Variants in ARFGEF2 observed in about 807,000 individuals in gnomAD.
ARFGEF2 encodes the protein brefeldin A-inhibited guanine nucleotide-exchange protein 2.
A neutral mutation model predicts 219.9 loss-of-function variants in ARFGEF2; 74 were observed. That is an observed-to-expected ratio of 0.34 (90% CI 0.28 to 0.41). The LOEUF is 0.41. Ranked by LOEUF, ARFGEF2 falls within the 10% of genes least tolerant of loss-of-function variation. ARFGEF2 has a pLI of 1.00. For missense variants in ARFGEF2, 1,743 were observed against 2,218.3 expected, an observed-to-expected ratio of 0.79 and a Z score of 4.30; for synonymous variants, 733 against 799.2, an observed-to-expected ratio of 0.92 and a Z score of 1.40.
intron 38 of ARFGEF2, among the ~76,000 whole-genome samples, 181 bp downstream of exon 38, chr20:49,032,347 T>G (rs1378112309): frequency 6.6e-6 from 1 of 152,124 alleles, no homozygotes; most frequent in Non-Finnish European, 1.5e-5. Context: ...CACAGGATAT[T>G]AGGGCTTTTT....
intron 1 of ARFGEF2, among the ~76,000 whole-genome samples, chr20:48,924,261 G>A (rs6066913): frequency 3.9e-5 from 6 of 152,140 alleles, no homozygotes; most frequent in Admixed American, 1.3e-4. Context: ...TGTAATCCCA[G>A]CACTTTAGGA....
intron 3 of ARFGEF2, among the ~76,000 whole-genome samples, chr20:48,948,609 C>G (rs983834601): frequency 6.6e-6 from 1 of 152,242 alleles, no homozygotes; most frequent in Non-Finnish European, 1.5e-5. Flanking sequence ...ACCCTAACCT[C>G]TGTTTATTAC....
intron 21 of ARFGEF2, among the ~76,000 whole-genome samples, chr20:48,991,699 C>T (rs1371226468): frequency 2.0e-5 from 3 of 152,070 alleles, no homozygotes; most frequent in Non-Finnish European, 2.9e-5. Context: ...ATATTTGTTG[C>T]AGTTTTAGTT....
At chr20:48,964,517 G>A (rs902554433) in intron 7 of ARFGEF2, among the ~76,000 whole-genome samples, 3 of 152,080 alleles carry the variant, frequency 2.0e-5, no homozygotes, top group African/African-American at 7.3e-5. Context: ...TTCTAGGAGT[G>A]GGCTGGAGCC....
chr20:48,987,016 A>G (rs2091330380), intron 16 of ARFGEF2, among the ~76,000 whole-genome samples: 1 of 152,192 alleles, frequency 6.6e-6, no homozygotes, highest in Non-Finnish European at 1.5e-5. Context: ...AAACATTTTA[A>G]TAACTGTTTT....
chr20:48,966,383 C>T (rs957022641), intron 8 of ARFGEF2, among the ~76,000 whole-genome samples: 11 of 152,206 alleles, frequency 7.2e-5, no homozygotes, highest in African/African-American at 2.4e-4. Flanking sequence ...TGAAAGCCAT[C>T]CATAACCCAT....
chr20:49,006,513 A>G (rs1451898555), intron 26 of ARFGEF2, among the ~76,000 whole-genome samples: 1 of 152,186 alleles, frequency 6.6e-6, no homozygotes, highest in Non-Finnish European at 1.5e-5. Context: ...TCTGAAGGAC[A>G]TTATATATAT....
chr20:48,988,380 A>G lies in ARFGEF2; in HGVS notation c.2353A>G (p.Ser785Gly). The G allele has an allele frequency of 6.2e-7, 1 of 1,613,712 alleles. No individual in the cohort carries two copies. The highest frequency in any genetic ancestry group is 8.5e-7 in the Non-Finnish European group (1 of 1,179,920). ...SIIMLTTDLH[S>G]PQVKNKMTKE... Reference sequence around the variant, plus strand: ...TATTATGCTGACTACAGACTTGCACAGTCCTCAGGTAAAGCACTTTAATGA... The same window carrying G: ...TATTATGCTGACTACAGACTTGCACGGTCCTCAGGTAAAGCACTTTAATGA... Residue 785 changes from serine (S) to glycine (G), a missense_variant, in exon 17 of 39, where the codon AGT becomes GGT. This residue lies in a region of ARFGEF2 where 666 missense variants were observed against 955.4 expected (regional missense o/e 0.70). Coordinates refer to ENST00000371917, the MANE Select transcript of ARFGEF2 (RefSeq NM_006420.3).
At chr20:48,995,226 C>T (rs1205474455) in intron 22 of ARFGEF2, among the ~76,000 whole-genome samples, 1 of 152,190 alleles carries the variant, frequency 6.6e-6, no homozygotes, top group Non-Finnish European at 1.5e-5. Context: ...TGAGCAGCAT[C>T]ATACTGCAAA....
chr20:49,022,341 C>A (rs565199002), intron 34 of ARFGEF2, among the ~76,000 whole-genome samples: 2 of 151,748 alleles, frequency 1.3e-5, no homozygotes, highest in Non-Finnish European at 2.9e-5. Context: ...GCAGGCAGAT[C>A]GCTTGATATT....
chr20:48,964,721 T>A (rs1316918987), intron 7 of ARFGEF2, among the ~76,000 whole-genome samples: 2 of 152,210 alleles, frequency 1.3e-5, no homozygotes, highest in Non-Finnish European at 2.9e-5. Context: ...ATGATCTTTT[T>A]TCTTTGTTTC....
intron 6 of ARFGEF2, among the ~76,000 whole-genome samples, chr20:48,959,537 C>T (rs1361485411): frequency 3.2e-5 from 1 of 31,210 alleles, no homozygotes; most frequent in Non-Finnish European, 6.1e-5. Context: ...TTCCCTCCCT[C>T]CCTCTGTCCC....
At chr20:48,999,771 A>G in intron 25 of ARFGEF2, among the ~76,000 whole-genome samples, 1 of 151,504 alleles carries the variant, frequency 6.6e-6, no homozygotes, top group South Asian at 2.1e-4. Context: ...AAAAAAAAGA[A>G]ATGTATGTAT....
At chr20:48,961,083 T>TATAATAATAATA (rs371551603) in intron 6 of ARFGEF2, among the ~76,000 whole-genome samples, 3,038 of 143,970 alleles carry the variant, frequency 0.021, 46 homozygotes, top group South Asian at 0.042. Context: ...TGTCTCAAAA[T>TATAATAATAATA]ATAATAATAA....
chr20:49,022,684 A>G (rs968838125), intron 34 of ARFGEF2, among the ~76,000 whole-genome samples: 1 of 152,210 alleles, frequency 6.6e-6, no homozygotes, highest in Non-Finnish European at 1.5e-5. Context: ...CTACCCTGAC[A>G]CTTTCTATCC....
intron 38 of ARFGEF2, among the ~76,000 whole-genome samples, chr20:49,032,474 T>C (rs2091641759): frequency 6.6e-6 from 1 of 152,200 alleles, no homozygotes; most frequent in South Asian, 2.1e-4. Flanking sequence ...AGCACCAGTT[T>C]TGACCTAGGA....
At chr20:48,938,367 T>C (rs2090973237) in intron 1 of ARFGEF2, among the ~76,000 whole-genome samples, 1 of 152,182 alleles carries the variant, frequency 6.6e-6, no homozygotes. Flanking sequence ...TAAAGCAAAA[T>C]TGGCAAACCG....
At chr20:49,023,684 G>A (rs1177280056) in intron 35 of ARFGEF2, among the ~76,000 whole-genome samples, 18 of 151,176 alleles carry the variant, frequency 1.2e-4, no homozygotes, top group East Asian at 1.9e-4. Context: ...GACTACAGGC[G>A]CCCGCTACCA....
rs186662717 is a variant in ARFGEF2, at chr20:49,030,881, A to T, written c.5064-1168A>T. ...GTGGCAGGCGCCTGTAATCCCAGCTACTCGGGAGGCTGAGGCAGGAGAATC... is the reference window on the plus strand; with the variant it reads ...GTGGCAGGCGCCTGTAATCCCAGCTTCTCGGGAGGCTGAGGCAGGAGAATC... On this transcript the variant is annotated intron_variant, in intron 37 of 38. Coordinates refer to ENST00000371917, the MANE Select transcript of ARFGEF2 (RefSeq NM_006420.3). Among the ~76,000 whole-genome samples, 551 of 152,192 alleles carry T rather than the reference A, an allele frequency of 3.6e-3. 1 individual carries two copies. The highest frequency in any genetic ancestry group is 5.6e-3 in the Admixed American group (85 of 15,284).
Sources: gnomAD v4.1 joint callset for allele counts (sites outside exome capture counted in the v4.1 genomes callset) on GRCh38, gnomAD v4.1.1 for gene constraint, gnomAD v4.1.1 regional missense constraint, MANE v1.5 for transcripts, NCBI Gene and HGNC (gene_info 2026-07-23, HGNC 2026-07-21) for gene names.